The following CSMD1 variants were observed in gnomAD, a reference collection of about 807,000 sequenced individuals.
CSMD1 encodes the protein CUB and Sushi multiple domains 1, also known as CUB and sushi domain-containing protein 1.
In CSMD1, 213 loss-of-function variants were observed where a neutral mutation model predicts 417.5. That is an observed-to-expected ratio of 0.51 (90% CI 0.46 to 0.57). CSMD1 has a LOEUF of 0.57. CSMD1 is among the 20% of genes least tolerant of loss of function. The pLI is 0.00. For missense variants in CSMD1, 6,923 were observed against 4,529.7 expected (o/e 1.53, Z -15.17); for synonymous variants, 2,862 against 1,736.8 (o/e 1.65, Z -16.11).
intron 3 of CSMD1, among the ~76,000 whole-genome samples, chr8:4,402,453 A>C (rs939817499): frequency 2.0e-5 from 3 of 152,114 alleles, no homozygotes; most frequent in Admixed American, 1.3e-4. Flanking sequence ...GATAGCATGG[A>C]GCTAAGCTTC....
chr8:3,844,609 T>C (rs555985463), intron 5 of CSMD1, among the ~76,000 whole-genome samples: 23 of 152,056 alleles, frequency 1.5e-4, no homozygotes, highest in Non-Finnish European at 2.9e-4. Flanking sequence ...CAAGGGGGTG[T>C]CCTCCCATCT....
intron 10 of CSMD1, among the ~76,000 whole-genome samples, chr8:3,562,914 T>G (rs747667648): frequency 6.6e-6 from 1 of 151,900 alleles, no homozygotes; most frequent in African/African-American, 2.4e-5. Flanking sequence ...ACCCATGAAC[T>G]TAAAAGTTAA....
chr8:3,100,321 C>G (rs906124265), intron 46 of CSMD1, among the ~76,000 whole-genome samples: 7 of 152,158 alleles, frequency 4.6e-5, no homozygotes, highest in Non-Finnish European at 1.0e-4. Flanking sequence ...CCACCATGCT[C>G]GGCCTAAGAA....
intron 3 of CSMD1, among the ~76,000 whole-genome samples, chr8:4,096,204 A>T (rs536796780): frequency 6.6e-6 from 1 of 152,174 alleles, no homozygotes; most frequent in African/African-American, 2.4e-5. Flanking sequence ...CACTGAGATG[A>T]AACTCTTAAT....
At chr8:3,507,296 T>C (rs1796868172) in intron 10 of CSMD1, among the ~76,000 whole-genome samples, 1 of 152,166 alleles carries the variant, frequency 6.6e-6, no homozygotes, top group Non-Finnish European at 1.5e-5. Flanking sequence ...CTAAGAATAT[T>C]TTTTAGCTTC....
chr8:2,969,868 GT>G (rs1278277571), intron 57 of CSMD1, among the ~76,000 whole-genome samples: 3 of 152,108 alleles, frequency 2.0e-5, no homozygotes, highest in African/African-American at 7.2e-5. Flanking sequence ...GCCTTATTGG[GT>G]GTAACATATA....
At position 4,359,757 on chromosome 8, in the gene CSMD1, G is replaced by T. The variant is rs977318370; in HGVS notation, c.415+60196C>A. Among the ~76,000 whole-genome samples the T allele has an allele frequency of 2.0e-5, 3 of 152,306 alleles. No individual in the cohort carries two copies. In the East Asian group the frequency reaches 5.8e-4, roughly 29 times the overall value. The stretch of plus-strand genomic sequence containing the variant: ...TGGCCCACTTCTACATTCATTCCAA[G>T]GGTCCACGTCAAGGAGTTGGTAAAG... On this transcript the variant is annotated intron_variant, in intron 3 of 69. Transcript: ENST00000635120.
At chr8:4,054,922 C>G (rs572875418) in intron 3 of CSMD1, among the ~76,000 whole-genome samples, 3 of 152,108 alleles carry the variant, frequency 2.0e-5, no homozygotes, top group Non-Finnish European at 2.9e-5. Flanking sequence ...TGGGGTTTCT[C>G]TTTTAAATCA....
chr8:4,731,492 A>G (rs1024799309), intron 1 of CSMD1, among the ~76,000 whole-genome samples: 7 of 152,240 alleles, frequency 4.6e-5, no homozygotes, highest in Admixed American at 4.6e-4. Flanking sequence ...GCAAATATTC[A>G]TTCAGATATA....
chr8:4,109,808 G>C (rs1015000849), intron 3 of CSMD1, among the ~76,000 whole-genome samples: 1 of 152,052 alleles, frequency 6.6e-6, no homozygotes, highest in Admixed American at 6.6e-5. Flanking sequence ...AAACAAAAAG[G>C]GTGTTACCAT....
chr8:4,190,539 T>C (rs961508900), intron 3 of CSMD1, among the ~76,000 whole-genome samples: 1 of 82,474 alleles, frequency 1.2e-5, no homozygotes, highest in East Asian at 3.4e-4. Flanking sequence ...CATACACATA[T>C]AAGCTTTTTT....
intron 1 of CSMD1, among the ~76,000 whole-genome samples, chr8:4,827,432 A>G (rs1799898670): frequency 6.6e-6 from 1 of 152,142 alleles, no homozygotes; most frequent in African/African-American, 2.4e-5. Context: ...GCTCGACAGA[A>G]ACTCTCTTCT....
intron 5 of CSMD1, among the ~76,000 whole-genome samples, chr8:3,945,220 G>GA (rs1811141241): frequency 6.7e-6 from 1 of 148,280 alleles, no homozygotes; most frequent in Non-Finnish European, 1.5e-5. Context: ...ATTTCTTCTG[G>GA]AAAATTGTCT....
intron 10 of CSMD1, among the ~76,000 whole-genome samples, chr8:3,502,096 G>T (rs150790954): frequency 2.0e-5 from 3 of 152,092 alleles, no homozygotes; most frequent in East Asian, 1.9e-4. Context: ...AGCTAAAAAC[G>T]TATGTCCACA....
intron 2 of CSMD1, among the ~76,000 whole-genome samples, chr8:4,446,965 A>T (rs1044898748): frequency 5.9e-5 from 9 of 151,988 alleles, no homozygotes; most frequent in African/African-American, 1.9e-4. Context: ...GGCCCTACAA[A>T]AACAGCAGGA....
rs181397432 is a variant in CSMD1 at position 4,791,428 on chromosome 8, C to A, written c.86-153870G>T. 1.7e-3 allele frequency among the ~76,000 whole-genome samples: 266 copies of A among 152,268 alleles called. 3 individuals carry two copies. Among genetic ancestry groups the A allele is most frequent in the African/African-American group, 6.2e-3 (259 of 41,538 alleles). On this transcript the variant is annotated intron_variant, in intron 1 of 69. Transcript: ENST00000635120. ...AGTTTATGTGTTGTGGGTGGGACCCCATCCCTTGGTCTATAAGGTTTGTGA... is the reference window on the plus strand; with the variant it reads ...AGTTTATGTGTTGTGGGTGGGACCCAATCCCTTGGTCTATAAGGTTTGTGA...
chr8:3,352,240 G>C (rs867111748), intron 21 of CSMD1, among the ~76,000 whole-genome samples: 4 of 152,078 alleles, frequency 2.6e-5, no homozygotes, highest in Non-Finnish European at 5.9e-5. Context: ...GACTGAAGTG[G>C]AGCATCACAT....
chr8:2,984,498 G>A (rs186161596), intron 54 of CSMD1, among the ~76,000 whole-genome samples: 9 of 152,196 alleles, frequency 5.9e-5, no homozygotes, highest in Non-Finnish European at 1.2e-4. Flanking sequence ...ACAGGCATCC[G>A]CCACCATGCT....
At chr8:3,944,033 G>A (rs1290995872) in intron 5 of CSMD1, among the ~76,000 whole-genome samples, 3 of 152,220 alleles carry the variant, frequency 2.0e-5, no homozygotes, top group Middle Eastern at 3.4e-3. Context: ...CTGTGGTTGT[G>A]AAAGAACATG....
Sources: gnomAD v4.1 joint callset for allele counts (sites outside exome capture counted in the v4.1 genomes callset) on GRCh38, gnomAD v4.1.1 for gene constraint, MANE v1.5 for transcripts, NCBI Gene and HGNC (gene_info 2026-07-23, HGNC 2026-07-21) for gene names.